PKHD1L1: variants seen among roughly 807,000 people sequenced by gnomAD.
The protein encoded by PKHD1L1 is PKHD1 like 1, also known as fibrocystin-L.
PKHD1L1 carries 434 observed loss-of-function variants against 462.9 expected under a neutral mutation model. The observed-to-expected ratio is 0.94, with a 90% confidence interval of 0.87 to 1.02. The LOEUF (loss-of-function observed/expected upper bound fraction) is 1.02. PKHD1L1 is among the 50% of genes least tolerant of loss of function. The pLI is 0.00. For missense variants in PKHD1L1, 5,202 were observed against 5,096.1 expected, an observed-to-expected ratio of 1.02 and a Z score of -0.63; for synonymous variants, 1,781 against 1,750.0, an observed-to-expected ratio of 1.02 and a Z score of -0.44.
intron 24 of PKHD1L1, 106 bp from the exon 25 acceptor site, chr8:109,426,896 G>C: frequency 1.5e-6 from 1 of 678,366 alleles, no homozygotes; most frequent in Non-Finnish European, 2.7e-6. Context: ...CAGGTGACCC[G>C]CCCGCTTTGG....
chr8:109,517,320 G>T (rs1820320771), intron 72 of PKHD1L1, among the ~76,000 whole-genome samples: 1 of 152,000 alleles, frequency 6.6e-6, no homozygotes, highest in Non-Finnish European at 1.5e-5. Context: ...TATGATCTTT[G>T]TCTCTGCTCC....
At chr8:109,454,947 T>C in intron 45 of PKHD1L1, 95 bp downstream of exon 45, 1 of 1,425,024 alleles carries the variant, frequency 7.0e-7, no homozygotes, top group East Asian at 2.5e-5. Context: ...TATCCTGTGA[T>C]AAAGTGAAAG....
Position 109,489,934 on chromosome 8 carries a change from A to G in PKHD1L1, c.9881-18A>G, listed in dbSNP as rs1818746314. Reference sequence around the variant, plus strand: ...ACTGTTTTAAGAAAAACAAATTTTAAATCTTTCCCTACCTTAGGAAATGCA... The same window carrying G: ...ACTGTTTTAAGAAAAACAAATTTTAGATCTTTCCCTACCTTAGGAAATGCA... On this transcript the variant is annotated intron_variant, in intron 59 of 77. Transcript: ENST00000378402. The G allele has an allele frequency of 4.0e-6, 6 of 1,482,310 alleles. No homozygotes were observed. Among genetic ancestry groups the G allele is most frequent in the Non-Finnish European group, 5.6e-6 (6 of 1,070,206 alleles). The allele number at this position is 1,482,310 out of a possible 1,614,324, so 91.8% of individuals were successfully genotyped here.
intron 21 of PKHD1L1, among the ~76,000 whole-genome samples, chr8:109,414,162 C>A (rs1814006432): frequency 6.6e-6 from 1 of 152,006 alleles, no homozygotes; most frequent in South Asian, 2.1e-4. Context: ...TTTTCATACA[C>A]AGTACATACA....
intron 6 of PKHD1L1, 90 bp downstream of exon 6, chr8:109,385,720 T>A (rs1346876385): frequency 1.1e-5 from 9 of 812,206 alleles, no homozygotes; most frequent in Non-Finnish European, 3.6e-6. Context: ...TTAAATCCCA[T>A]TACAATGTAA....
At chr8:109,482,430 G>T (rs1292390521) in intron 56 of PKHD1L1, among the ~76,000 whole-genome samples, 1 of 151,574 alleles carries the variant, frequency 6.6e-6, no homozygotes, top group Non-Finnish European at 1.5e-5. Flanking sequence ...CTCTTTTAAG[G>T]ACACTAGAAT....
rs1821069721 is a variant in PKHD1L1 at position 109,532,749 on chromosome 8, C to T, written c.*2659C>T. 6.6e-6 allele frequency among the ~76,000 whole-genome samples: 1 copy of T among 152,152 alleles called. No individual in the cohort carries two copies. The highest frequency in any genetic ancestry group is 2.1e-4 in the South Asian group (1 of 4,830). ...TCTTGTACTACTGTCTCTACTCATT[C>T]CTAAATTCCATCACCTTGTGATCAT... On this transcript the variant is annotated 3_prime_UTR_variant, in exon 78 of 78. Coordinates refer to ENST00000378402, the MANE Select transcript of PKHD1L1 (RefSeq NM_177531.6).
intron 33 of PKHD1L1, 75 bp from the exon 34 acceptor site, chr8:109,441,200 C>A: frequency 1.0e-6 from 1 of 976,062 alleles, no homozygotes; most frequent in Non-Finnish European, 1.5e-6. Context: ...AATTATGCTT[C>A]ATCTCTATAA....
chr8:109,438,444 C>G lies in PKHD1L1; in HGVS notation c.3748C>G (p.Arg1250Gly). The G allele has an allele frequency of 2.6e-6, 4 of 1,539,536 alleles. No individual in the cohort carries two copies. The highest frequency in any genetic ancestry group is 3.5e-6 in the Non-Finnish European group (4 of 1,140,488). Residue 1250 changes from arginine (R) to glycine (G), a missense_variant, in exon 31 of 78, where the codon CGA becomes GGA. Arg to Gly is a moderately radical substitution (Grantham distance 125, BLOSUM62 -2). This residue lies in a region of PKHD1L1 where 4,497 missense variants were observed against 4,336.8 expected (regional missense o/e 1.04). Transcript: ENST00000378402. Reference protein sequence around the residue: ...PIITDFSPKVRTILGEVNLTI... With the variant: ...PIITDFSPKVGTILGEVNLTI... ...TATAACTGATTTTAGTCCAAAAGTA[C>G]GAACAATACTAGGTAAGAAATTCTT...
chr8:109,407,584 C>T lies in PKHD1L1; in HGVS notation c.1814-465C>T, dbSNP rs535093863. On this transcript the variant is annotated intron_variant, in intron 17 of 77. Transcript: ENST00000378402. The stretch of plus-strand genomic sequence containing the variant: ...AGCCAATGATTATCATACTAAGTGG[C>T]ATGGTATGAACAAACCTCACAGATC... Among the ~76,000 whole-genome samples, 5 of 152,230 alleles carry T rather than the reference C, an allele frequency of 3.3e-5. No individual in the cohort carries two copies. In the South Asian group the frequency reaches 1.0e-3, roughly 32 times the overall value.
At chr8:109,374,465 C>G (rs574378420) in intron 2 of PKHD1L1, among the ~76,000 whole-genome samples, 1 of 152,294 alleles carries the variant, frequency 6.6e-6, no homozygotes, top group Admixed American at 6.5e-5. Flanking sequence ...ATTTGCCAGT[C>G]TGTGTCTTTT....
intron 70 of PKHD1L1, among the ~76,000 whole-genome samples, chr8:109,508,572 G>A (rs988320567): frequency 6.6e-6 from 1 of 151,518 alleles, no homozygotes; most frequent in African/African-American, 2.4e-5. Flanking sequence ...TTATTGATAA[G>A]GTGGTATAAG....
At chr8:109,412,206 T>C (rs2130602422) in intron 19 of PKHD1L1, 59 bp from the exon 20 acceptor site, 2 of 1,584,078 alleles carry the variant, frequency 1.3e-6, no homozygotes, top group South Asian at 1.1e-5. Context: ...GGTGCACACG[T>C]TGGGGGAAAA....
chr8:109,390,398 T>C, intron 8 of PKHD1L1, 54 bp from the exon 9 acceptor site: 1 of 1,046,210 alleles, frequency 9.6e-7, no homozygotes, highest in South Asian at 2.0e-5. Context: ...TATAGAGTTA[T>C]TGTTCTTCTG....
chr8:109,442,244 G>A, intron 35 of PKHD1L1, 49 bp downstream of exon 35: 1 of 1,484,714 alleles, frequency 6.7e-7, no homozygotes, highest in Non-Finnish European at 9.1e-7. Flanking sequence ...TTTCCTAAAT[G>A]TAATAAAATG....
At position 109,472,794 on chromosome 8, in the gene PKHD1L1, C is replaced by A. The variant is rs1673391; in HGVS notation, c.8606-2324C>A. ...TAAAGTCAAATAAAATTATTTACTTCTAAAAGTTAAAAACAGAAAAAGATA... is the reference window on the plus strand; with the variant it reads ...TAAAGTCAAATAAAATTATTTACTTATAAAAGTTAAAAACAGAAAAAGATA... On this transcript the variant is annotated intron_variant, in intron 50 of 77. Coordinates refer to ENST00000378402, the MANE Select transcript of PKHD1L1 (RefSeq NM_177531.6). 3.9e-5 allele frequency among the ~76,000 whole-genome samples: 6 copies of A among 151,918 alleles called. No homozygotes were observed. In the East Asian group the frequency reaches 1.2e-3, roughly 29 times the overall value.
At chr8:109,486,900 C>A in intron 59 of PKHD1L1, 79 bp downstream of exon 59, 1 of 1,331,398 alleles carries the variant, frequency 7.5e-7, no homozygotes, top group Non-Finnish European at 1.0e-6. Flanking sequence ...TTACATAATT[C>A]TCACTTTTTT....
chr8:109,417,709 C>T (rs1373525993), intron 21 of PKHD1L1, among the ~76,000 whole-genome samples: 1 of 152,104 alleles, frequency 6.6e-6, no homozygotes, highest in African/African-American at 2.4e-5. Flanking sequence ...GCCACCCCGC[C>T]CAGCTAATTT....
intron 76 of PKHD1L1, among the ~76,000 whole-genome samples, chr8:109,526,178 G>A (rs757480530): frequency 2.0e-5 from 3 of 152,246 alleles, no homozygotes; most frequent in Non-Finnish European, 2.9e-5. Context: ...AAGTAACAAT[G>A]TTTCTAAAAT....
Sources: allele counts gnomAD v4.1 joint callset (sites outside exome capture counted in the v4.1 genomes callset), GRCh38; gene constraint gnomAD v4.1.1; regional missense constraint gnomAD v4.1.1; transcripts MANE v1.5; gene names NCBI Gene and HGNC (gene_info 2026-07-23, HGNC 2026-07-21).